Variants in RBM20 observed in about 807,000 individuals in gnomAD.
The protein encoded by RBM20 is RNA binding motif protein 20.
A neutral mutation model predicts 110.1 loss-of-function variants in RBM20; 51 were observed. The observed-to-expected ratio is 0.46, with a 90% confidence interval of 0.37 to 0.59. The LOEUF is 0.59. RBM20 is among the 20% of genes least tolerant of loss of function. The probability of loss-of-function intolerance (pLI) is 0.00; values close to 1 mark genes in which losing one functional copy is unlikely to be tolerated. For synonymous variants in RBM20, 589 were observed against 618.2 expected (o/e 0.95, Z 0.70); for missense variants, 1,512 against 1,574.9 (o/e 0.96, Z 0.68).
chr10:110,751,570 A>C (rs769624912), intron 1 of RBM20, among the ~76,000 whole-genome samples: 4 of 152,186 alleles, frequency 2.6e-5, no homozygotes, highest in African/African-American at 4.8e-5. Flanking sequence ...CTGTAACCAA[A>C]TATGTTCTTG....
chr10:110,764,644 G>A (rs1386636261), intron 1 of RBM20, among the ~76,000 whole-genome samples: 9 of 152,054 alleles, frequency 5.9e-5, no homozygotes, highest in South Asian at 2.1e-4. Context: ...TACCCCCTCC[G>A]CTGCCCCTTT....
In RBM20 at chr10:110,672,308, C is replaced by T. The variant is rs184835363; in HGVS notation, c.191+27663C>T. 3.6e-3 allele frequency among the ~76,000 whole-genome samples: 545 copies of T among 152,318 alleles called. 3 individuals carry two copies. Among genetic ancestry groups the T allele is most frequent in the African/African-American group, 0.013 (524 of 41,566 alleles). ...AGTTTATGGCTCCCTCGGCTTTCCCCTTCTTAATCCGCTTTCTGCTGAGCT... is the reference window on the plus strand; with the variant it reads ...AGTTTATGGCTCCCTCGGCTTTCCCTTTCTTAATCCGCTTTCTGCTGAGCT... On this transcript the variant is annotated intron_variant, in intron 1 of 13. Coordinates refer to ENST00000369519, the MANE Select transcript of RBM20 (RefSeq NM_001134363.3).
chr10:110,728,877 C>T (rs1843591590), intron 1 of RBM20, among the ~76,000 whole-genome samples: 1 of 152,166 alleles, frequency 6.6e-6, no homozygotes, highest in Non-Finnish European at 1.5e-5. Context: ...AGCGATGCTG[C>T]TCTGTTTATG....
chr10:110,673,135 A>T (rs1034746214), intron 1 of RBM20, among the ~76,000 whole-genome samples: 4 of 152,134 alleles, frequency 2.6e-5, no homozygotes, highest in South Asian at 2.1e-4. Context: ...TCTCATTATC[A>T]TAGGGCAGAG....
At chr10:110,689,616 G>A (rs758553377) in intron 1 of RBM20, among the ~76,000 whole-genome samples, 4 of 151,484 alleles carry the variant, frequency 2.6e-5, no homozygotes, top group African/African-American at 4.8e-5. Context: ...TTCTGTGCTG[G>A]TAGTGCGGGT....
chr10:110,717,785 T>C (rs1057080864), intron 1 of RBM20, among the ~76,000 whole-genome samples: 6 of 152,224 alleles, frequency 3.9e-5, no homozygotes, highest in Non-Finnish European at 5.9e-5. Flanking sequence ...ACTGTGGCTA[T>C]CAGTCATGGA....
chr10:110,797,724 A>G (rs936348407), intron 6 of RBM20, 76 bp downstream of exon 6: 4 of 1,451,428 alleles, frequency 2.8e-6, no homozygotes, highest in South Asian at 1.3e-5. Flanking sequence ...ATAATTTTTG[A>G]AAGAAGCCAT....
rs1590590891 is a variant in RBM20 at position 110,644,507 on chromosome 10, A to T, written c.53A>T (p.Gln18Leu). 6.6e-7 allele frequency: 1 copy of T among 1,526,532 alleles called. No homozygotes were observed. 94.6% of individuals were successfully genotyped at this position (1,526,532 alleles called of 1,614,324 possible). A position where few individuals can be genotyped will look rare whatever the true frequency, so the allele number is the denominator to read the frequency against. Reference sequence around the variant, plus strand: ...GACGCGGACCCCAGCGGTCCGGAGCAGCCGGACAGAGTTGCCTGCAGTGTG... The same window carrying T: ...GACGCGGACCCCAGCGGTCCGGAGCTGCCGGACAGAGTTGCCTGCAGTGTG... ...SQDADPSGPE[Q>L]PDRVACSVPG... is the part of the protein sequence containing the mutation. Residue 18 changes from glutamine to leucine, a missense_variant, in exon 1 of 14, where the codon CAG (glutamine) becomes CTG (leucine). Gln to Leu is a moderately radical substitution (Grantham distance 113). Coordinates refer to ENST00000369519, the MANE Select transcript of RBM20 (RefSeq NM_001134363.3). This position sits in a 1 kb window ranked among gnomAD's most constrained non-coding sequence, Gnocchi z 4.3.
intron 1 of RBM20, among the ~76,000 whole-genome samples, chr10:110,758,287 G>A (rs1338920706): frequency 6.6e-6 from 1 of 152,018 alleles, no homozygotes; most frequent in Non-Finnish European, 1.5e-5. Context: ...AAAGTGTTGG[G>A]ATTACATACG....
At chr10:110,698,782 A>G (rs1053879238) in intron 1 of RBM20, among the ~76,000 whole-genome samples, 1 of 152,304 alleles carries the variant, frequency 6.6e-6, no homozygotes, top group African/African-American at 2.4e-5. Flanking sequence ...GCCCCGCACC[A>G]TGTGACACTG....
intron 1 of RBM20, among the ~76,000 whole-genome samples, chr10:110,754,983 G>C (rs1462849225): frequency 6.6e-6 from 1 of 152,154 alleles, no homozygotes; most frequent in East Asian, 1.9e-4. Flanking sequence ...TCCTTCCTCT[G>C]GTTGCCTTTT....
intron 1 of RBM20, among the ~76,000 whole-genome samples, chr10:110,752,946 T>TATATATATATATATATA (rs372172985): frequency 1.9e-4 from 12 of 62,308 alleles, no homozygotes; most frequent in African/African-American, 6.6e-4. Flanking sequence ...TATATATATA[T>TATATATATATATATATA]TTTTTTTTTT....
chr10:110,826,773 A>G (rs568821679), intron 12 of RBM20, among the ~76,000 whole-genome samples: 14 of 151,866 alleles, frequency 9.2e-5, no homozygotes, highest in Non-Finnish European at 1.6e-4. Context: ...TTTAGTAGAG[A>G]TAAGGTTCCA....
chr10:110,822,110 G>C (rs1249206349), intron 11 of RBM20, among the ~76,000 whole-genome samples, 175 bp downstream of exon 11: 1 of 152,250 alleles, frequency 6.6e-6, no homozygotes, highest in Non-Finnish European at 1.5e-5. Context: ...TGGCTAAACT[G>C]TTAGTGATTT....
chr10:110,760,814 C>T (rs867002298), intron 1 of RBM20, among the ~76,000 whole-genome samples: 7 of 150,200 alleles, frequency 4.7e-5, no homozygotes, highest in Admixed American at 2.6e-4. Context: ...AATTAGTTGG[C>T]CAGGTGCAGT....
At chr10:110,659,249 T>C (rs1862066444) in intron 1 of RBM20, among the ~76,000 whole-genome samples, 1 of 152,218 alleles carries the variant, frequency 6.6e-6, no homozygotes, top group Non-Finnish European at 1.5e-5. Flanking sequence ...ACATTTATGT[T>C]CAGAGAGGCC....
At chr10:110,738,927 T>C (rs767473483) in intron 1 of RBM20, among the ~76,000 whole-genome samples, 2 of 152,182 alleles carry the variant, frequency 1.3e-5, no homozygotes, top group African/African-American at 2.4e-5. Flanking sequence ...TCGCCTTCCT[T>C]GCAGATTCGT....
intron 1 of RBM20, among the ~76,000 whole-genome samples, chr10:110,763,453 C>T (rs1844034703): frequency 6.6e-6 from 1 of 152,072 alleles, no homozygotes; most frequent in Non-Finnish European, 1.5e-5. Context: ...GGACACCAGG[C>T]ATTGCAGGTA....
upstream of RBM20, chr10:110,644,267 G>T: frequency 5.2e-6 from 2 of 382,658 alleles, no homozygotes; most frequent in Non-Finnish European, 9.1e-6. This position sits in a 1 kb window ranked among gnomAD's most constrained non-coding sequence, Gnocchi z 4.3. Context: ...CGGCCGGGAC[G>T]AGCTGGAGCA....
Sources: allele counts gnomAD v4.1 joint callset (sites outside exome capture counted in the v4.1 genomes callset), GRCh38; gene constraint gnomAD v4.1.1; non-coding constraint Gnocchi (gnomAD v3.1); transcripts MANE v1.5; gene names NCBI Gene and HGNC (gene_info 2026-07-23, HGNC 2026-07-21).